Variants in SULT1B1 observed in about 807,000 individuals in gnomAD.
The protein encoded by SULT1B1 is sulfotransferase family 1B member 1.
In SULT1B1, 28 loss-of-function variants were observed where a neutral mutation model predicts 34.6. That is an observed-to-expected ratio of 0.81 (90% CI 0.60 to 1.11). The LOEUF (loss-of-function observed/expected upper bound fraction) is 1.11. Ranked by LOEUF, SULT1B1 falls within the 50% of genes least tolerant of loss-of-function variation. SULT1B1 has a pLI of 0.00. For missense variants in SULT1B1, 374 were observed against 352.2 expected (o/e 1.06, Z -0.50); for synonymous variants, 147 against 110.2 (o/e 1.33, Z -2.09).
Position 69,758,329 on chromosome 4 carries a change from T to C in SULT1B1, c.-45+2130A>G, listed in dbSNP as rs1386216987. ...CCAGAATCTTTTGATATCTTGAGAA[T>C]AGTGCCCCTTCTCAGTTTGGATATA... is the stretch of plus-strand genomic sequence containing the variant. On this transcript the variant is annotated intron_variant, in intron 1 of 7. Coordinates refer to ENST00000310613, the MANE Select transcript of SULT1B1 (RefSeq NM_014465.4). 8 of 985,406 alleles carry C rather than the reference T, an allele frequency of 8.1e-6. No homozygotes were observed. The Admixed American group carries it at 4.9e-4, about 60-fold the overall frequency. The allele number at this position is 985,406 out of a possible 1,614,324, so 61.0% of individuals were successfully genotyped here.
chr4:69,756,097 C>T (rs78642350), intron 1 of SULT1B1, among the ~76,000 whole-genome samples: 7,034 of 152,072 alleles, frequency 0.046, 232 homozygotes, highest in East Asian at 0.093. Context: ...TTATCTCTGG[C>T]TTTGTAGTTT....
At chr4:69,735,830 A>G (rs1436032834) in intron 4 of SULT1B1, among the ~76,000 whole-genome samples, 1 of 152,188 alleles carries the variant, frequency 6.6e-6, no homozygotes, top group East Asian at 1.9e-4. Context: ...CCACACCTCA[A>G]AAGGAATATC....
At chr4:69,734,091 T>C (rs1231907507) in intron 5 of SULT1B1, 47 bp downstream of exon 5, 2 of 1,412,216 alleles carry the variant, frequency 1.4e-6, no homozygotes, top group Non-Finnish European at 1.9e-6. Context: ...TTAATAGTAT[T>C]ATTAAAATAA....
chr4:69,742,983 A>T (rs1399044186), intron 4 of SULT1B1, among the ~76,000 whole-genome samples: 2 of 152,154 alleles, frequency 1.3e-5, no homozygotes, highest in African/African-American at 4.8e-5. Context: ...AAGCTTGGAG[A>T]CACCAGGAAC....
chr4:69,744,538 C>T (rs1164069657), intron 4 of SULT1B1, among the ~76,000 whole-genome samples: 2 of 152,190 alleles, frequency 1.3e-5, no homozygotes, highest in East Asian at 3.9e-4. Flanking sequence ...TAAAGGTGTT[C>T]CTAGCAGTCT....
At chr4:69,745,512 T>C (rs746231847) in intron 4 of SULT1B1, among the ~76,000 whole-genome samples, 3 of 152,198 alleles carry the variant, frequency 2.0e-5, no homozygotes, top group Non-Finnish European at 4.4e-5. Context: ...CTGAAAAAAA[T>C]AGCAACTCCT....
intron 4 of SULT1B1, among the ~76,000 whole-genome samples, chr4:69,744,910 T>G (rs1371099054): frequency 6.6e-6 from 1 of 152,222 alleles, no homozygotes; most frequent in Non-Finnish European, 1.5e-5. Flanking sequence ...TCAAAGATTC[T>G]GATATGTTGT....
At chr4:69,728,769 C>A (rs368751840) in intron 7 of SULT1B1, among the ~76,000 whole-genome samples, 16 of 151,946 alleles carry the variant, frequency 1.1e-4, no homozygotes, top group South Asian at 8.3e-4. Flanking sequence ...TATAATTTAC[C>A]ATAATCCTCC....
chr4:69,751,789 C>T (rs545182649), intron 3 of SULT1B1, among the ~76,000 whole-genome samples: 20 of 152,228 alleles, frequency 1.3e-4, no homozygotes, highest in Non-Finnish European at 2.9e-4. Flanking sequence ...CCCTCATCTA[C>T]CTGATGAACT....
chr4:69,739,718 T>C lies in SULT1B1; in HGVS notation c.376-5454A>G, dbSNP rs185210828. On this transcript the variant is annotated intron_variant, in intron 4 of 7. Coordinates refer to ENST00000310613, the MANE Select transcript of SULT1B1 (RefSeq NM_014465.4). ...ATTTCTGCAGTCAACTGGCTTGAAT[T>C]TCTCCCCAGAAAATAGGTTTTTCTT... Among the ~76,000 whole-genome samples, 156 of 152,340 alleles carry C rather than the reference T, an allele frequency of 1.0e-3. 2 individuals are homozygous for C. Among genetic ancestry groups the C allele is most frequent in the African/African-American group, 3.5e-3 (147 of 41,576 alleles).
At chr4:69,749,208 A>G (rs1229348795) in intron 4 of SULT1B1, among the ~76,000 whole-genome samples, 1 of 152,134 alleles carries the variant, frequency 6.6e-6, no homozygotes, top group East Asian at 1.9e-4. Flanking sequence ...AATGAGTATA[A>G]TATTAACAAC....
intron 4 of SULT1B1, among the ~76,000 whole-genome samples, chr4:69,734,626 G>A (rs915449132): frequency 2.6e-5 from 4 of 151,952 alleles, no homozygotes; most frequent in African/African-American, 9.7e-5. Context: ...CCAGCAAATT[G>A]AAAATAACAA....
Position 69,724,448 on chromosome 4 carries a change from A to C in SULT1B1, c.*2640T>G, listed in dbSNP as rs1717744930. On this transcript the variant is annotated 3_prime_UTR_variant, in exon 8 of 8. Transcript: ENST00000310613. ...TATCATGAAAATGGCCATACTGCCC[A>C]AGGTCATTTATAGATTCAATGCCAT... 6.6e-6 allele frequency: 1 copy of C among 152,254 alleles called. No individual in the cohort carries two copies. Among genetic ancestry groups the C allele is most frequent in the African/African-American group, 2.4e-5 (1 of 41,464 alleles). 9.4% of individuals were successfully genotyped at this position (152,254 alleles called of 1,614,324 possible).
Position 69,726,085 on chromosome 4 carries a change from T to TATATATA in SULT1B1, c.*1002_*1003insTATATAT. On this transcript the variant is annotated 3_prime_UTR_variant, in exon 8 of 8. Coordinates refer to ENST00000310613, the MANE Select transcript of SULT1B1 (RefSeq NM_014465.4). ...ATATATATATATATATATATATAAA[T>TATATATA]GTTCCAAGAAAACATAGATCAGAGA... The TATATATA allele has an allele frequency of 8.9e-6, 1 of 112,978 alleles. No individual in the cohort carries two copies. Among genetic ancestry groups the TATATATA allele is most frequent in the Non-Finnish European group, 1.9e-5 (1 of 54,008 alleles). 7.0% of individuals were successfully genotyped at this position (112,978 alleles called of 1,614,324 possible). A position where few individuals can be genotyped will look rare whatever the true frequency, so the allele number is the denominator to read the frequency against.
intron 7 of SULT1B1, among the ~76,000 whole-genome samples, chr4:69,727,926 T>A (rs1212644005): frequency 2.0e-5 from 3 of 152,050 alleles, no homozygotes; most frequent in African/African-American, 4.8e-5. Flanking sequence ...GAGAAAAACA[T>A]CTCACTATTT....
rs1335655152 is a variant in SULT1B1 at position 69,739,215 on chromosome 4, T to C, written c.376-4951A>G. ...ACAGCTCCACTAGGTGATGCCCCAG[T>C]AGGGACTCTGTGTGGGGGCTCCAAT... On this transcript the variant is annotated intron_variant, in intron 4 of 7. Transcript: ENST00000310613. Among the ~76,000 whole-genome samples, 6 of 152,182 alleles carry C rather than the reference T, an allele frequency of 3.9e-5. No homozygotes were observed. The East Asian group carries it at 1.2e-3, about 29-fold the overall frequency.
intron 3 of SULT1B1, among the ~76,000 whole-genome samples, chr4:69,753,365 A>G (rs752485154): frequency 5.3e-5 from 8 of 152,188 alleles, no homozygotes; most frequent in Non-Finnish European, 7.4e-5. Flanking sequence ...ACCTCTACCA[A>G]GCAACCTGTG....
chr4:69,753,688 C>G (rs1719072729), intron 3 of SULT1B1, among the ~76,000 whole-genome samples: 1 of 152,100 alleles, frequency 6.6e-6, no homozygotes, highest in African/African-American at 2.4e-5. Context: ...AGTAGATACC[C>G]CTTGTTAAAT....
chr4:69,735,731 A>C (rs1214258939), intron 4 of SULT1B1, among the ~76,000 whole-genome samples: 2 of 152,190 alleles, frequency 1.3e-5, no homozygotes, highest in African/African-American at 4.8e-5. Flanking sequence ...ATCAAATGTT[A>C]AGTTATCTGA....
Sources: allele counts gnomAD v4.1 joint callset (sites outside exome capture counted in the v4.1 genomes callset), GRCh38; gene constraint gnomAD v4.1.1; transcripts MANE v1.5; gene names NCBI Gene and HGNC (gene_info 2026-07-23, HGNC 2026-07-21).